PDE8B: variants seen among roughly 807,000 people sequenced by gnomAD.
PDE8B encodes high affinity cAMP-specific and IBMX-insensitive 3',5'-cyclic phosphodiesterase 8B.
A neutral mutation model predicts 101.3 loss-of-function variants in PDE8B; 26 were observed. The observed-to-expected ratio is 0.26, with a 90% CI of 0.19 to 0.36. PDE8B has a LOEUF of 0.36. PDE8B is among the 10% of genes least tolerant of loss of function. The probability of loss-of-function intolerance (pLI) is 1.00; values close to 1 mark genes in which losing one functional copy is unlikely to be tolerated. For missense variants in PDE8B, 810 were observed against 1,163.1 expected (o/e 0.70, Z 4.42); for synonymous variants, 424 against 429.3 (o/e 0.99, Z 0.15).
chr5:77,090,965 T>G, the PDE8B span, among the ~76,000 whole-genome samples: 1 of 152,210 alleles, frequency 6.6e-6, no homozygotes, highest in Admixed American at 6.5e-5. Flanking sequence ...GTAGTTCTAT[T>G]TTTAATTTTT....
intron 6 of PDE8B, 36 bp from the exon 7 acceptor site, chr5:77,344,817 A>G: frequency 7.7e-7 from 1 of 1,296,046 alleles, no homozygotes; most frequent in East Asian, 2.3e-5. Context: ...AATGGTTTTC[A>G]TAGAAGAACT....
intron 1 of PDE8B, among the ~76,000 whole-genome samples, chr5:77,225,522 C>T (rs1752146573): frequency 6.6e-6 from 1 of 152,066 alleles, no homozygotes; most frequent in Non-Finnish European, 1.5e-5. Context: ...TTCCCTGTCT[C>T]TGATCTAGAA....
At chr5:77,138,211 G>T in the PDE8B span, among the ~76,000 whole-genome samples, 1 of 151,034 alleles carries the variant, frequency 6.6e-6, no homozygotes, top group Non-Finnish European at 1.5e-5. Flanking sequence ...TTGGAGTCCG[G>T]GGGGTGGCTT....
intron 1 of PDE8B, among the ~76,000 whole-genome samples, chr5:77,256,915 T>G (rs1759302006): frequency 6.6e-6 from 1 of 152,244 alleles, no homozygotes; most frequent in Non-Finnish European, 1.5e-5. Flanking sequence ...ACTGGTATTT[T>G]GCTTAGCTCT....
chr5:77,423,667 T>G (rs2151215111), intron 20 of PDE8B, among the ~76,000 whole-genome samples: 2 of 129,096 alleles, frequency 1.5e-5, no homozygotes, highest in Non-Finnish European at 3.2e-5. Flanking sequence ...TTTGAGACAG[T>G]CTTGCTCTGT....
At chr5:77,188,269 A>G in the PDE8B span, among the ~76,000 whole-genome samples, 1 of 152,324 alleles carries the variant, frequency 6.6e-6, no homozygotes, top group East Asian at 1.9e-4. Context: ...AGGAAGGTTG[A>G]GATGAATAAT....
the PDE8B span, among the ~76,000 whole-genome samples, chr5:77,097,698 T>TAC: frequency 3.4e-4 from 7 of 20,334 alleles, no homozygotes; most frequent in South Asian, 9.6e-3. Flanking sequence ...TATATCTATA[T>TAC]ATATATATCT....
intron 1 of PDE8B, among the ~76,000 whole-genome samples, chr5:77,306,746 A>T (rs1420839108): frequency 6.6e-6 from 1 of 152,210 alleles, no homozygotes; most frequent in Non-Finnish European, 1.5e-5. Context: ...GTGGCGTGAC[A>T]GGTGAATTAA....
upstream of PDE8B, among the ~76,000 whole-genome samples, chr5:77,206,153 G>A (rs1580304119): frequency 1.3e-5 from 2 of 152,234 alleles, no homozygotes; most frequent in East Asian, 3.9e-4. Context: ...AGAAATGGGA[G>A]AAAATTATTC....
the PDE8B span, among the ~76,000 whole-genome samples, chr5:77,091,044 G>A: frequency 0.018 from 2,753 of 152,188 alleles, 87 homozygotes; most frequent in African/African-American, 0.063. Context: ...TAGGGTACAA[G>A]CATCCCCATT....
the PDE8B span, chr5:77,118,196 C>T: frequency 5.2e-6 from 2 of 386,268 alleles, no homozygotes; most frequent in Non-Finnish European, 4.6e-6. Context: ...ATCCTCCTGC[C>T]TCAGCCTCCC....
chr5:77,258,289 CAAAAAAAA>C (rs70988662), intron 1 of PDE8B, among the ~76,000 whole-genome samples: 3 of 88,580 alleles, frequency 3.4e-5, no homozygotes, highest in Non-Finnish European at 4.4e-5. Flanking sequence ...GACTCCATCT[CAAAAAAAA>C]AAAAAAAAAA....
chr5:77,418,849 G>A (rs1446671215), intron 18 of PDE8B, among the ~76,000 whole-genome samples: 2 of 152,176 alleles, frequency 1.3e-5, no homozygotes, highest in African/African-American at 4.8e-5. Flanking sequence ...GCGGGAGCAC[G>A]AAGGGTGGGG....
chr5:77,242,928 A>C (rs956699919), intron 1 of PDE8B, among the ~76,000 whole-genome samples: 1 of 152,188 alleles, frequency 6.6e-6, no homozygotes, highest in Admixed American at 6.5e-5. Flanking sequence ...GGCCTCCCTA[A>C]GAGCTGGGAT....
chr5:77,378,485 G>T (rs556997462), intron 10 of PDE8B, among the ~76,000 whole-genome samples: 2,056 of 140,640 alleles, frequency 0.015, 51 homozygotes, highest in Middle Eastern at 0.089. Context: ...AAAAAAAAAA[G>T]GGCATGTACC....
intron 12 of PDE8B, among the ~76,000 whole-genome samples, chr5:77,405,181 C>T (rs1273829357): frequency 1.3e-5 from 2 of 152,250 alleles, no homozygotes; most frequent in East Asian, 1.9e-4. Flanking sequence ...CAGCTATATG[C>T]ACTCACTTCT....
intron 7 of PDE8B, among the ~76,000 whole-genome samples, chr5:77,347,133 T>G (rs1780293291): frequency 6.6e-6 from 1 of 152,226 alleles, no homozygotes; most frequent in Non-Finnish European, 1.5e-5. Flanking sequence ...AAACTCTATA[T>G]GTATTTGCTT....
chr5:77,414,587 A>G (rs1795159037), intron 17 of PDE8B, among the ~76,000 whole-genome samples: 1 of 139,458 alleles, frequency 7.2e-6, no homozygotes, highest in Non-Finnish European at 1.6e-5. Context: ...TGCCCAGCCG[A>G]TTTTTTTTTT....
chr5:77,186,842 G>T, the PDE8B span, among the ~76,000 whole-genome samples: 2 of 152,262 alleles, frequency 1.3e-5, no homozygotes, highest in East Asian at 3.9e-4. Flanking sequence ...GTGGGTAGTT[G>T]CTGGGCCTTC....
Sources: gnomAD v4.1 joint callset for allele counts (sites outside exome capture counted in the v4.1 genomes callset) on GRCh38, gnomAD v4.1.1 for gene constraint, MANE v1.5 for transcripts, NCBI Gene and HGNC (gene_info 2026-07-23, HGNC 2026-07-21) for gene names.